The following CHST1 variants were observed in gnomAD, a reference collection of about 807,000 sequenced individuals.
CHST1 encodes carbohydrate sulfotransferase 1.
CHST1 carries 10 observed loss-of-function variants against 22.5 expected under a neutral mutation model. That is an observed-to-expected ratio of 0.44 (90% confidence interval 0.27 to 0.75). The LOEUF is 0.75. Ranked by LOEUF, CHST1 falls within the 30% of genes least tolerant of loss-of-function variation. CHST1 has a pLI of 0.15. For synonymous variants in CHST1, 267 were observed against 264.5 expected, an observed-to-expected ratio of 1.01 and a Z score of -0.09; for missense variants, 439 against 576.1, an observed-to-expected ratio of 0.76 and a Z score of 2.44.
rs767573747 is a variant in CHST1, at chr11:45,648,326, A to T, written c.*1362T>A. Among the ~76,000 whole-genome samples the T allele has an allele frequency of 2.2e-4, 34 of 151,452 alleles. No homozygotes were observed. The highest frequency in any genetic ancestry group is 4.4e-4 in the Non-Finnish European group (30 of 67,884). On this transcript the variant is annotated 3_prime_UTR_variant, in exon 4 of 4. Transcript: ENST00000308064. ...CTACTCTGATTCAGCAAGCCATACC[A>T]CTTGTTAAAGACTTTGAACATTATC...
chr11:45,652,348 T>A (rs773301666), intron 2 of CHST1, 173 bp downstream of exon 2: 7 of 152,274 alleles, frequency 4.6e-5, no homozygotes, highest in Non-Finnish European at 8.8e-5. Context: ...CCCCACCACA[T>A]TCTTCTAATA....
intron 1 of CHST1, among the ~76,000 whole-genome samples, chr11:45,655,516 T>C (rs958763791): frequency 6.6e-6 from 1 of 152,238 alleles, no homozygotes; most frequent in African/African-American, 2.4e-5. Context: ...GGCTACAACC[T>C]GATGTGAGGA....
Position 45,650,161 on chromosome 11 carries a change from GC to G in CHST1, c.762del (p.Trp254CysfsTer16). On this transcript the variant is annotated frameshift_variant, in exon 4 of 4. Transcript: ENST00000308064. LOFTEE classifies it high-confidence loss of function. ...SETFRDTYRL[W>X]RLWYGTGRKP... ...TTCCTCCCGGTGCCGTACCAGAGCC[GC>G]CAGAGCCGGTACGTGTCGCGGAAGG... The G allele has an allele frequency of 6.2e-7, 1 of 1,613,446 alleles. No homozygotes were observed.
chr11:45,663,913 G>A (rs1490412479), intron 1 of CHST1, among the ~76,000 whole-genome samples: 1 of 152,186 alleles, frequency 6.6e-6, no homozygotes, highest in Admixed American at 6.5e-5. Context: ...GAGTCATGAC[G>A]ATGAAAGCAC....
At chr11:45,661,630 C>T (rs985872419) in intron 1 of CHST1, among the ~76,000 whole-genome samples, 2 of 152,216 alleles carry the variant, frequency 1.3e-5, no homozygotes, top group African/African-American at 4.8e-5. Flanking sequence ...AAGCAAACCC[C>T]AGAAATCTGT....
rs536685784 is a variant in CHST1, at chr11:45,663,840, C to T, written c.-227+1338G>A. On this transcript the variant is annotated intron_variant, in intron 1 of 3. Coordinates refer to ENST00000308064, the MANE Select transcript of CHST1 (RefSeq NM_003654.6). ...CCTTTCCCCAGCAGCTCCCTAAAGA[C>T]CCGGTAGGGAGGGGAATTGAATAGG... 2.6e-5 allele frequency among the ~76,000 whole-genome samples: 4 copies of T among 152,302 alleles called. No homozygotes were observed. In the South Asian group the frequency reaches 6.2e-4, roughly 24 times the overall value.
chr11:45,663,630 G>A (rs954564800), intron 1 of CHST1, among the ~76,000 whole-genome samples: 1 of 152,068 alleles, frequency 6.6e-6, no homozygotes, highest in African/African-American at 2.4e-5. Context: ...CAGAGTTTGG[G>A]GGATGATTAG....
At position 45,650,568 on chromosome 11, in the gene CHST1, G is replaced by A; in HGVS notation, c.356C>T (p.Ala119Val). 1 of 1,613,918 alleles carries A rather than the reference G, an allele frequency of 6.2e-7. No homozygotes were observed. The highest frequency in any genetic ancestry group is 8.5e-7 in the Non-Finnish European group (1 of 1,179,986). The change falls in exon 4 of 4, where the codon GCC becomes GTC. Residue 119 changes from alanine to valine, a missense_variant. Ala to Val is a moderately conservative substitution (Grantham distance 64). Transcript: ENST00000308064. ...GAGGCTCCGCAGGAGGTCGCGGCTG[G>A]CGCCTAGCATGACCCGCCGGTCGGC... The part of the protein sequence containing the change: ...SPADRRVMLG[A>V]SRDLLRSLYD...
rs1050443295 is a variant in CHST1, at chr11:45,650,560, C to A, written c.364G>T (p.Asp122Tyr). The change falls in exon 4 of 4, where the codon GAC becomes TAC. Residue 122 changes from aspartate to tyrosine, a missense_variant. Transcript: ENST00000308064. Reference sequence around the variant, plus strand: ...CAGTCGTAGAGGCTCCGCAGGAGGTCGCGGCTGGCGCCTAGCATGACCCGC... The same window carrying A: ...CAGTCGTAGAGGCTCCGCAGGAGGTAGCGGCTGGCGCCTAGCATGACCCGC... ...DRRVMLGASRDLLRSLYDCDL... is the reference protein window; with the variant it reads ...DRRVMLGASRYLLRSLYDCDL... 3 of 1,613,722 alleles carry A rather than the reference C, an allele frequency of 1.9e-6. No homozygotes were observed. The highest frequency in any genetic ancestry group is 2.5e-6 in the Non-Finnish European group (3 of 1,179,984).
chr11:45,662,353 G>T (rs183505023), intron 1 of CHST1, among the ~76,000 whole-genome samples: 5 of 152,314 alleles, frequency 3.3e-5, no homozygotes, highest in East Asian at 1.9e-4. Context: ...CTCCCACAAG[G>T]CTCCTAGACA....
At position 45,649,163 on chromosome 11, in the gene CHST1, AG is replaced by A. The variant is rs1257055239; in HGVS notation, c.*524del. ...TCACCGACAGGCAAGGGCGGGCAGG[AG>A]GGGGCAGTTTCGCTGCTCTAAGGGG... On this transcript the variant is annotated 3_prime_UTR_variant, in exon 4 of 4. Transcript: ENST00000308064. 2 of 153,242 alleles carry A rather than the reference AG, an allele frequency of 1.3e-5. No homozygotes were observed. The highest frequency in any genetic ancestry group is 2.9e-5 in the Non-Finnish European group (2 of 68,746). The allele number at this position is 153,242 out of a possible 1,614,324, so 9.5% of individuals were successfully genotyped here.
chr11:45,659,152 A>T (rs908039327), intron 1 of CHST1, among the ~76,000 whole-genome samples: 4 of 152,202 alleles, frequency 2.6e-5, no homozygotes, highest in Non-Finnish European at 5.9e-5. Context: ...GATGCATCCC[A>T]CAGGCCAGGG....
chr11:45,661,848 G>A (rs1852136958), intron 1 of CHST1, among the ~76,000 whole-genome samples: 1 of 152,200 alleles, frequency 6.6e-6, no homozygotes, highest in African/African-American at 2.4e-5. Context: ...CGGTAAGGGA[G>A]ACCGGGTAAG....
rs1851949168 is a variant in CHST1, at chr11:45,648,714, A to C, written c.*974T>G. On this transcript the variant is annotated 3_prime_UTR_variant, in exon 4 of 4. Coordinates refer to ENST00000308064, the MANE Select transcript of CHST1 (RefSeq NM_003654.6). ...TCAAAACAAAACAAAACAAAAACCT[A>C]AACTAAACTCAGTGTTGAGGGTGAC... 6.6e-6 allele frequency among the ~76,000 whole-genome samples: 1 copy of C among 151,992 alleles called. No homozygotes were observed. The highest frequency in any genetic ancestry group is 1.5e-5 in the Non-Finnish European group (1 of 67,978).
At chr11:45,663,170 C>G (rs1011744299) in intron 1 of CHST1, among the ~76,000 whole-genome samples, 6 of 152,006 alleles carry the variant, frequency 3.9e-5, no homozygotes, top group African/African-American at 1.4e-4. Context: ...GGGAGGGAGA[C>G]AGAGGGGTAG....
At chr11:45,655,579 C>T (rs369461271) in intron 1 of CHST1, among the ~76,000 whole-genome samples, 22 of 152,236 alleles carry the variant, frequency 1.4e-4, no homozygotes, top group East Asian at 9.6e-4. Flanking sequence ...GAGGATGGCA[C>T]GCCCACCCGG....
chr11:45,649,149 C>G lies in CHST1; in HGVS notation c.*539G>C, dbSNP rs1417602982. 1 of 153,128 alleles carries G rather than the reference C, an allele frequency of 6.5e-6. No homozygotes were observed. The highest frequency in any genetic ancestry group is 1.5e-5 in the Non-Finnish European group (1 of 68,648). 9.5% of individuals were successfully genotyped at this position (153,128 alleles called of 1,614,324 possible). On this transcript the variant is annotated 3_prime_UTR_variant, in exon 4 of 4. Transcript: ENST00000308064. ...AGTAAAAACCTGCCTCACCGACAGG[C>G]AAGGGCGGGCAGGAGGGGGCAGTTT...
intron 3 of CHST1, chr11:45,651,266 A>C: frequency 4.9e-6 from 1 of 203,314 alleles, no homozygotes; most frequent in Non-Finnish European, 9.8e-6. Flanking sequence ...CAAGAGCCTG[A>C]CTCCCCCTAC....
At chr11:45,664,451 C>T (rs1271437627) in intron 1 of CHST1, among the ~76,000 whole-genome samples, 2 of 152,298 alleles carry the variant, frequency 1.3e-5, no homozygotes, top group East Asian at 1.9e-4. Flanking sequence ...GGCCAAGGTG[C>T]CACTCCAGGA....
Sources: gnomAD v4.1 joint callset for allele counts (sites outside exome capture counted in the v4.1 genomes callset) on GRCh38, gnomAD v4.1.1 for gene constraint, MANE v1.5 for transcripts, NCBI Gene and HGNC (gene_info 2026-07-23, HGNC 2026-07-21) for gene names.